The following BRAF variants were observed in gnomAD, a reference collection of about 807,000 sequenced individuals.
BRAF encodes serine/threonine-protein kinase B-raf.
BRAF carries 16 observed loss-of-function variants against 104.6 expected under a neutral mutation model. The observed-to-expected ratio is 0.15, with a 90% CI of 0.10 to 0.23. The LOEUF is 0.23. Among genes scored for constraint, BRAF ranks in the 10% least tolerant of loss-of-function variants. The pLI, the probability that BRAF is intolerant of heterozygous loss-of-function variation, is 1.00. For synonymous variants in BRAF, 310 were observed against 341.6 expected (o/e 0.91, Z 1.02); for missense variants, 541 against 937.3 (o/e 0.58, Z 5.52).
At chr7:140,716,871 AG>A (rs1425355463), downstream of BRAF, among the ~76,000 whole-genome samples, 1 of 152,232 alleles carries the variant, frequency 6.6e-6, no homozygotes, top group Non-Finnish European at 1.5e-5. Context: ...ACTATTTTAT[AG>A]AAGAGGTTGA....
chr7:140,719,715 T>C lies in BRAF; in HGVS notation c.*6779A>G. ...TGAAAATAAATGTCTTTTTTATGAA[T>C]TGAAAAATAAGCTTTAAAAATAGTT... On this transcript the variant is annotated 3_prime_UTR_variant, in exon 20 of 20. Transcript: ENST00000644969. 1 of 1,061,460 alleles carries C rather than the reference T, an allele frequency of 9.4e-7. No individual in the cohort carries two copies. The highest frequency in any genetic ancestry group is 1.1e-6 in the Non-Finnish European group (1 of 876,588). 65.8% of individuals were successfully genotyped at this position (1,061,460 alleles called of 1,614,324 possible).
intron 14 of BRAF, among the ~76,000 whole-genome samples, chr7:140,763,445 A>G (rs1353943584): frequency 9.4e-4 from 123 of 131,414 alleles, no homozygotes; most frequent in Middle Eastern, 5.1e-3. Flanking sequence ...CGGACGAGGC[A>G]GCTGGCTGGG....
intron 1 of BRAF, among the ~76,000 whole-genome samples, chr7:140,861,268 A>G (rs973312445): frequency 8.5e-5 from 13 of 152,230 alleles, no homozygotes; most frequent in Admixed American, 5.2e-4. Flanking sequence ...CTGGTCCACT[A>G]TACAAATGAG....
intron 1 of BRAF, among the ~76,000 whole-genome samples, chr7:140,856,318 G>C (rs1586423822): frequency 1.3e-5 from 2 of 152,058 alleles, no homozygotes; most frequent in East Asian, 3.9e-4. Context: ...CAAGAAAATG[G>C]TTGAAAGAAT....
chr7:140,913,469 C>CTTTT lies in BRAF; in HGVS notation c.138+11093_138+11096dup, dbSNP rs369746551. Among the ~76,000 whole-genome samples, 481 of 57,030 alleles carry CTTTT rather than the reference C, an allele frequency of 8.4e-3. 87 individuals are homozygous for CTTTT. Among genetic ancestry groups the CTTTT allele is most frequent in the Admixed American group, 0.012 (37 of 3,180 alleles). 37.4% of individuals were successfully genotyped at this position (57,030 alleles called of 152,430 possible). ...ATGACAAAGCAAATGTTAATCACAG[C>CTTTT]TTTTTTTTTTTTTTTTTTTTTTTTT... is the stretch of plus-strand genomic sequence containing the variant. On this transcript the variant is annotated intron_variant, in intron 1 of 19. Coordinates refer to ENST00000644969, the MANE Select transcript of BRAF (RefSeq NM_001374258.1).
chr7:140,808,646 T>C (rs896191702), intron 4 of BRAF, among the ~76,000 whole-genome samples: 1 of 152,080 alleles, frequency 6.6e-6, no homozygotes, highest in African/African-American at 2.4e-5. Flanking sequence ...GGTTCAAAAA[T>C]TGTAAGAATC....
At chr7:140,904,393 T>C (rs1000447200) in intron 1 of BRAF, among the ~76,000 whole-genome samples, 1 of 152,138 alleles carries the variant, frequency 6.6e-6, no homozygotes, top group African/African-American at 2.4e-5. Context: ...AGTTATTTTT[T>C]TTTTTTCCAA....
chr7:140,815,450 T>C (rs1804775769), intron 3 of BRAF, among the ~76,000 whole-genome samples: 1 of 144,022 alleles, frequency 6.9e-6, no homozygotes. Context: ...TTTTTTTTTT[T>C]TTTGAGACAG....
At chr7:140,748,797 C>A (rs1176448072) in intron 17 of BRAF, 1 of 155,504 alleles carries the variant, frequency 6.4e-6, no homozygotes, top group African/African-American at 2.4e-5. Context: ...TAAAAAATTA[C>A]CCTCCTACTA....
intron 14 of BRAF, among the ~76,000 whole-genome samples, chr7:140,764,394 G>C (rs201081108): frequency 6.6e-6 from 1 of 150,610 alleles, no homozygotes; most frequent in Non-Finnish European, 1.5e-5. Context: ...GCACAAGACA[G>C]GGATGCCCTC....
At chr7:140,855,019 GT>G (rs1809619653) in intron 1 of BRAF, among the ~76,000 whole-genome samples, 1 of 152,026 alleles carries the variant, frequency 6.6e-6, no homozygotes, top group Non-Finnish European at 1.5e-5. Context: ...TGGAAGTCAG[GT>G]TTTTTATCTC....
intron 14 of BRAF, among the ~76,000 whole-genome samples, chr7:140,774,534 T>C (rs996124509): frequency 1.1e-4 from 17 of 152,194 alleles, no homozygotes; most frequent in African/African-American, 4.1e-4. Context: ...CCTGTTTGTT[T>C]TGGGACAGGG....
At chr7:140,803,833 G>A (rs1319817797) in intron 5 of BRAF, among the ~76,000 whole-genome samples, 1 of 152,162 alleles carries the variant, frequency 6.6e-6, no homozygotes, top group African/African-American at 2.4e-5. Flanking sequence ...CAAAATGTGA[G>A]TGGCTACTTC....
intron 17 of BRAF, among the ~76,000 whole-genome samples, chr7:140,745,610 G>A (rs1797287337): frequency 6.6e-6 from 1 of 152,134 alleles, no homozygotes; most frequent in African/African-American, 2.4e-5. Context: ...TACTCCTGGT[G>A]TCTCGACCCT....
the BRAF span, among the ~76,000 whole-genome samples, chr7:140,714,208 C>T: frequency 1.0e-3 from 153 of 152,298 alleles, 2 homozygotes; most frequent in South Asian, 6.2e-3. Context: ...TGTTCCTATT[C>T]GGCCATCTTG....
Position 140,783,099 on chromosome 7 carries a change from G to A in BRAF, c.1356C>T (p.Asn452=), listed in dbSNP as rs397516888. ...PPASLPGSLT[N]VKALQKSPGP... ...CTGGAGATTTCTGTAAGGCTTTCAC[G>A]TTAGTTAGTGAGCCAGGTAATGAGG... Residue 452 remains asparagine, a synonymous_variant, in exon 11 of 20, where the codon AAC becomes AAT. Coordinates refer to ENST00000644969, the MANE Select transcript of BRAF (RefSeq NM_001374258.1). The A allele has an allele frequency of 6.8e-6, 11 of 1,613,928 alleles. No individual in the cohort carries two copies. Among genetic ancestry groups the A allele is most frequent in the South Asian group, 2.2e-5 (2 of 91,082 alleles).
At chr7:140,872,417 C>T (rs1811716925) in intron 1 of BRAF, among the ~76,000 whole-genome samples, 1 of 151,412 alleles carries the variant, frequency 6.6e-6, no homozygotes, top group Non-Finnish European at 1.5e-5. Context: ...TCCCAGAATA[C>T]AGATTAAATT....
At chr7:140,759,009 T>C (rs959712294) in intron 14 of BRAF, among the ~76,000 whole-genome samples, 1 of 152,238 alleles carries the variant, frequency 6.6e-6, no homozygotes, top group Non-Finnish European at 1.5e-5. Flanking sequence ...TCAAATTTCA[T>C]ATAAACAGAA....
intron 9 of BRAF, 139 bp downstream of exon 9, chr7:140,787,409 G>A: frequency 2.7e-6 from 2 of 739,794 alleles, no homozygotes; most frequent in South Asian, 1.9e-5. Context: ...AAACACTACA[G>A]AAAAACAAAA....
Sources: gnomAD v4.1 joint callset for allele counts (sites outside exome capture counted in the v4.1 genomes callset) on GRCh38, gnomAD v4.1.1 for gene constraint, MANE v1.5 for transcripts, NCBI Gene and HGNC (gene_info 2026-07-23, HGNC 2026-07-21) for gene names.